Variants in SH3PXD2A observed in about 807,000 individuals in gnomAD.
SH3PXD2A encodes SH3 and PX domains 2A.
In SH3PXD2A, 32 loss-of-function variants were observed where a neutral mutation model predicts 115.2. The observed-to-expected ratio is 0.28, with a 90% CI of 0.21 to 0.37. The LOEUF is 0.37. Among genes scored for constraint, SH3PXD2A ranks in the 10% least tolerant of loss-of-function variants. The pLI is 1.00. For missense variants in SH3PXD2A, 1,328 were observed against 1,498.7 expected, an observed-to-expected ratio of 0.89 and a Z score of 1.88; for synonymous variants, 610 against 629.1, an observed-to-expected ratio of 0.97 and a Z score of 0.45.
At chr10:103,632,557 G>A (rs2036795977) in intron 8 of SH3PXD2A, among the ~76,000 whole-genome samples, 1 of 152,148 alleles carries the variant, frequency 6.6e-6, no homozygotes, top group East Asian at 1.9e-4. Flanking sequence ...CGGGGTGGGC[G>A]CCTCTGCTCA....
intron 9 of SH3PXD2A, among the ~76,000 whole-genome samples, chr10:103,623,564 C>T (rs73331498): frequency 2.6e-5 from 4 of 151,998 alleles, no homozygotes; most frequent in Non-Finnish European, 5.9e-5. Context: ...CCCAGACCAC[C>T]GAGGCCCTGG....
intron 3 of SH3PXD2A, among the ~76,000 whole-genome samples, chr10:103,764,675 A>C (rs2038735451): frequency 6.6e-6 from 1 of 152,182 alleles, no homozygotes; most frequent in South Asian, 2.1e-4. Flanking sequence ...TTTAATCCTC[A>C]CTGCAATCCT....
At chr10:103,742,320 G>A (rs907290047) in intron 3 of SH3PXD2A, among the ~76,000 whole-genome samples, 7 of 152,130 alleles carry the variant, frequency 4.6e-5, no homozygotes, top group Non-Finnish European at 7.4e-5. Context: ...GCATCACTCC[G>A]ATCTCTGTCT....
chr10:103,712,694 T>C (rs10159569), intron 5 of SH3PXD2A, among the ~76,000 whole-genome samples: 72,293 of 152,088 alleles, frequency 0.48, 17,576 homozygotes, highest in East Asian at 0.59. Context: ...GGCACATGCC[T>C]TCAACTCTAC....
At position 103,666,389 on chromosome 10, in the gene SH3PXD2A, T is replaced by C. The variant is rs1250709775; in HGVS notation, c.472+2219A>G. ...TTTCCCAATTCTCCCCAAGCATCTCTGTCCTCCAGGAGGCTCCTGATCACT... is the reference window on the plus strand; with the variant it reads ...TTTCCCAATTCTCCCCAAGCATCTCCGTCCTCCAGGAGGCTCCTGATCACT... On this transcript the variant is annotated intron_variant, in intron 7 of 14. Transcript: ENST00000369774. This position sits in a 1 kb window ranked among gnomAD's most constrained non-coding sequence, Gnocchi z 4.5. Among the ~76,000 whole-genome samples, 1 of 152,246 alleles carries C rather than the reference T, an allele frequency of 6.6e-6. No individual in the cohort carries two copies. The highest frequency in any genetic ancestry group is 1.5e-5 in the Non-Finnish European group (1 of 68,050).
intron 6 of SH3PXD2A, among the ~76,000 whole-genome samples, 174 bp from the exon 7 acceptor site, chr10:103,668,826 G>A (rs568665798): frequency 2.6e-5 from 4 of 152,270 alleles, no homozygotes; most frequent in Non-Finnish European, 5.9e-5. Flanking sequence ...GCTGTTGGGC[G>A]TGGGCCCGTG....
Position 103,724,282 on chromosome 10 carries a change from T to C in SH3PXD2A, c.386A>G (p.Asn129Ser), listed in dbSNP as rs552256820. The C allele has an allele frequency of 3.2e-6, 5 of 1,569,400 alleles. No homozygotes were observed. Among genetic ancestry groups the C allele is most frequent in the South Asian group, 1.2e-5 (1 of 84,962 alleles). Residue 129 changes from asparagine to serine, a missense_variant, in exon 5 of 15, where the codon AAC becomes AGC. Transcript: ENST00000369774. ...RFFEARPEDV[N>S]PPKEDYGSSK... ...AGCTATTACTTACTCTTTTGGAGGGTTGACATCCTCGGGTCGAGCCTCGAA... is the reference window on the plus strand; with the variant it reads ...AGCTATTACTTACTCTTTTGGAGGGCTGACATCCTCGGGTCGAGCCTCGAA...
At chr10:103,714,972 G>A (rs1356640385) in intron 5 of SH3PXD2A, among the ~76,000 whole-genome samples, 1 of 152,208 alleles carries the variant, frequency 6.6e-6, no homozygotes, top group African/African-American at 2.4e-5. Flanking sequence ...GGTGGTAGGG[G>A]CAGCCTCGCT....
intron 8 of SH3PXD2A, among the ~76,000 whole-genome samples, chr10:103,639,622 AAAAAG>A (rs2036921015): frequency 1.1e-5 from 1 of 90,562 alleles, no homozygotes. Flanking sequence ...AAAAAAAAAA[AAAAAG>A]AAAAAGAAAA....
chr10:103,646,049 G>A (rs1325706170), intron 8 of SH3PXD2A, among the ~76,000 whole-genome samples: 4 of 152,096 alleles, frequency 2.6e-5, no homozygotes, highest in East Asian at 1.9e-4. Flanking sequence ...AAGGTGTTTC[G>A]TTCCCTGCCT....
intron 2 of SH3PXD2A, among the ~76,000 whole-genome samples, chr10:103,795,811 C>T (rs998010643): frequency 1.3e-5 from 2 of 151,502 alleles, no homozygotes; most frequent in African/African-American, 4.9e-5. Context: ...AGCTGGCACA[C>T]CGCCTGGATG....
chr10:103,776,222 A>G (rs2134235701), intron 2 of SH3PXD2A, among the ~76,000 whole-genome samples: 1 of 152,202 alleles, frequency 6.6e-6, no homozygotes, highest in South Asian at 2.1e-4. Flanking sequence ...CTCCACCTCT[A>G]CAGAATATAT....
chr10:103,692,943 C>G, intron 6 of SH3PXD2A, 85 bp downstream of exon 6: 1 of 1,097,442 alleles, frequency 9.1e-7, no homozygotes. Context: ...CTCCCCGCCC[C>G]CAAGAAGTCC....
At chr10:103,622,644 A>C in intron 9 of SH3PXD2A, 91 bp from the exon 10 acceptor site, 14 of 470,114 alleles carry the variant, frequency 3.0e-5, no homozygotes, top group East Asian at 1.0e-4. Flanking sequence ...GGTGGGAGGA[A>C]GGGGCACAGG....
At chr10:103,840,959 T>C (rs958235360) in intron 1 of SH3PXD2A, among the ~76,000 whole-genome samples, 1 of 152,218 alleles carries the variant, frequency 6.6e-6, no homozygotes, top group Non-Finnish European at 1.5e-5. Flanking sequence ...ACTAGAGATA[T>C]CTGGTTGTCA....
intron 5 of SH3PXD2A, among the ~76,000 whole-genome samples, chr10:103,721,931 C>A (rs1589429136): frequency 6.6e-6 from 1 of 152,062 alleles, no homozygotes; most frequent in East Asian, 1.9e-4. Flanking sequence ...CTTCTGCTTG[C>A]AACCTGGAAG....
chr10:103,693,087 G>T, intron 5 of SH3PXD2A, 31 bp from the exon 6 acceptor site: 3 of 1,610,152 alleles, frequency 1.9e-6, no homozygotes, highest in Non-Finnish European at 1.7e-6. Context: ...GATAGACATG[G>T]TTAGGGCCGG....
intron 6 of SH3PXD2A, among the ~76,000 whole-genome samples, chr10:103,688,389 T>A (rs2037706125): frequency 6.6e-6 from 1 of 152,120 alleles, no homozygotes; most frequent in Non-Finnish European, 1.5e-5. Flanking sequence ...AGGTCTTTGC[T>A]CTTGAGGTGG....
At chr10:103,845,309 C>T (rs529806674) in intron 1 of SH3PXD2A, among the ~76,000 whole-genome samples, 8 of 126,894 alleles carry the variant, frequency 6.3e-5, no homozygotes, top group South Asian at 4.9e-4. Flanking sequence ...CCAGCCTGGA[C>T]GACAGAGCGA....
Sources: gnomAD v4.1 joint callset for allele counts (sites outside exome capture counted in the v4.1 genomes callset) on GRCh38, gnomAD v4.1.1 for gene constraint, Gnocchi (gnomAD v3.1) non-coding constraint, MANE v1.5 for transcripts, NCBI Gene and HGNC (gene_info 2026-07-23, HGNC 2026-07-21) for gene names.